Variants in MARCHF1 observed in about 807,000 individuals in gnomAD.
MARCHF1 encodes membrane associated ring-CH-type finger 1.
MARCHF1 carries 40 observed loss-of-function variants against 54.2 expected under a neutral mutation model. That is an observed-to-expected ratio of 0.74 (90% confidence interval 0.57 to 0.96). The LOEUF is 0.96. MARCHF1 is among the 40% of genes least tolerant of loss of function. MARCHF1 has a pLI of 0.00. For missense variants in MARCHF1, 586 were observed against 656.5 expected (o/e 0.89, Z 1.17); for synonymous variants, 236 against 236.3 (o/e 1.00, Z 0.01).
intron 5 of MARCHF1, among the ~76,000 whole-genome samples, chr4:163,700,557 G>C (rs947775292): frequency 6.7e-6 from 1 of 149,570 alleles, no homozygotes; most frequent in Non-Finnish European, 1.5e-5. Flanking sequence ...AGGAAGGAAG[G>C]AAGGAAGGAA....
rs1231988139 is a variant in MARCHF1 at position 164,102,141 on chromosome 4, C to A, written c.-248+9447G>T. 1.2e-3 allele frequency among the ~76,000 whole-genome samples: 128 copies of A among 106,976 alleles called. 1 individual carries two copies. Among genetic ancestry groups the A allele is most frequent in the East Asian group, 1.7e-3 (8 of 4,628 alleles). The allele number at this position is 106,976 out of a possible 152,430, so 70.2% of individuals were successfully genotyped here. A position where few individuals can be genotyped will look rare whatever the true frequency, so the allele number is the denominator to read the frequency against. Reference sequence around the variant, plus strand: ...AAAAGACCAAATCTACGTCTGATTGCTGTACCTGAAAGTGATGGGGAGAAT... The same window carrying A: ...AAAAGACCAAATCTACGTCTGATTGATGTACCTGAAAGTGATGGGGAGAAT... On this transcript the variant is annotated intron_variant, in intron 2 of 9. Coordinates refer to ENST00000514618, the MANE Select transcript of MARCHF1 (RefSeq NM_001394959.1).
intron 3 of MARCHF1, among the ~76,000 whole-genome samples, chr4:163,860,892 G>A (rs777267574): frequency 1.3e-5 from 2 of 152,126 alleles, no homozygotes; most frequent in African/African-American, 4.8e-5. Flanking sequence ...ACTGCCTGAT[G>A]TATCATGTTT....
intron 3 of MARCHF1, among the ~76,000 whole-genome samples, chr4:163,943,982 T>G (rs1365768629): frequency 6.6e-6 from 1 of 152,044 alleles, no homozygotes; most frequent in East Asian, 1.9e-4. Flanking sequence ...GTTTTGTTTT[T>G]TTTGAGACTG....
At chr4:163,974,102 T>C (rs1752603534) in intron 3 of MARCHF1, among the ~76,000 whole-genome samples, 1 of 152,220 alleles carries the variant, frequency 6.6e-6, no homozygotes, top group African/African-American at 2.4e-5. Context: ...TGAGAGTACC[T>C]ATGTGTGGTT....
chr4:163,970,173 G>A (rs904876322), intron 3 of MARCHF1, among the ~76,000 whole-genome samples: 3 of 152,116 alleles, frequency 2.0e-5, no homozygotes, highest in African/African-American at 7.2e-5. Flanking sequence ...GCACATGGTA[G>A]GTGTTTTAAA....
At chr4:164,054,085 AC>A (rs1485736499) in intron 2 of MARCHF1, among the ~76,000 whole-genome samples, 24 of 151,784 alleles carry the variant, frequency 1.6e-4, no homozygotes, top group Non-Finnish European at 2.6e-4. Flanking sequence ...CAAGAAAAAA[AC>A]AAACAACCCC....
intron 7 of MARCHF1, among the ~76,000 whole-genome samples, chr4:163,590,951 G>C (rs573827755): frequency 6.6e-6 from 1 of 151,852 alleles, no homozygotes; most frequent in African/African-American, 2.4e-5. Context: ...CTTAATCTCT[G>C]TGTTTCAAGT....
At chr4:164,139,584 T>C (rs1253422449) in intron 1 of MARCHF1, among the ~76,000 whole-genome samples, 2 of 151,796 alleles carry the variant, frequency 1.3e-5, no homozygotes, top group African/African-American at 4.8e-5. Flanking sequence ...AGTTATGTGG[T>C]AGACTGCCAG....
intron 4 of MARCHF1, among the ~76,000 whole-genome samples, chr4:163,795,374 C>T (rs989414518): frequency 2.0e-5 from 3 of 152,074 alleles, no homozygotes; most frequent in African/African-American, 7.2e-5. Flanking sequence ...GGATTACAGG[C>T]GCACACCACC....
chr4:163,920,464 T>G (rs1488468128), intron 3 of MARCHF1, among the ~76,000 whole-genome samples: 1 of 152,214 alleles, frequency 6.6e-6, no homozygotes, highest in Non-Finnish European at 1.5e-5. Context: ...ATGTTAGCCT[T>G]CTAAAGCCTG....
chr4:163,528,981 C>T lies in MARCHF1; in HGVS notation c.1405G>A (p.Val469Ile), dbSNP rs773692290. Reference sequence around the variant, plus strand: ...ACTTTACACTGTACGTACATGAAGACAAGACCTCCTGTGAAGCCAATGGCT... The same window carrying T: ...ACTTTACACTGTACGTACATGAAGATAAGACCTCCTGTGAAGCCAATGGCT... ...VVAIGFTGGL[V>I]FMYVQCKVYV... The change falls in exon 10 of 10, where the codon GTC becomes ATC. Residue 469 changes from valine (V) to isoleucine (I), a missense_variant. Transcript: ENST00000514618. 3 of 1,612,832 alleles carry T rather than the reference C, an allele frequency of 1.9e-6. No individual in the cohort carries two copies. The African/African-American group carries it at 4.0e-5, about 22-fold the overall frequency.
chr4:163,939,761 G>T (rs953084570), intron 3 of MARCHF1, among the ~76,000 whole-genome samples: 8 of 152,256 alleles, frequency 5.3e-5, no homozygotes, highest in Admixed American at 2.6e-4. Flanking sequence ...GGACATTTGT[G>T]GTTGGGGTTT....
At chr4:163,793,919 T>C (rs191951177) in intron 4 of MARCHF1, among the ~76,000 whole-genome samples, 1 of 152,220 alleles carries the variant, frequency 6.6e-6, no homozygotes, top group East Asian at 1.9e-4. Context: ...GAGACGTGAG[T>C]CTTGCCGAAG....
chr4:163,936,936 C>T (rs1579406141), intron 3 of MARCHF1, among the ~76,000 whole-genome samples: 2 of 152,170 alleles, frequency 1.3e-5, no homozygotes, highest in East Asian at 3.9e-4. Context: ...TGTATACGTA[C>T]TTGAACTTCC....
chr4:163,941,305 T>C (rs1751907249), intron 3 of MARCHF1, among the ~76,000 whole-genome samples: 1 of 152,014 alleles, frequency 6.6e-6, no homozygotes, highest in Non-Finnish European at 1.5e-5. Flanking sequence ...AGGAAGGTGT[T>C]AGGATTGAGC....
rs938528911 is a variant in MARCHF1, at chr4:164,252,275, G to A, written c.-323+131595C>T. The stretch of plus-strand genomic sequence containing the variant: ...CCTCCTGCATCAAATCTGTAGAATA[G>A]GTAGAACAGATATTTTTAAAAATGT... On this transcript the variant is annotated intron_variant, in intron 1 of 9. Transcript: ENST00000514618. Among the ~76,000 whole-genome samples the A allele has an allele frequency of 2.0e-5, 3 of 152,016 alleles. No individual in the cohort carries two copies. In the East Asian group the frequency reaches 5.8e-4, roughly 29 times the overall value.
intron 1 of MARCHF1, among the ~76,000 whole-genome samples, chr4:164,289,354 T>C (rs1197328752): frequency 6.6e-6 from 1 of 152,008 alleles, no homozygotes; most frequent in Non-Finnish European, 1.5e-5. Flanking sequence ...TATTCCGTGA[T>C]TTTATAGATG....
intron 3 of MARCHF1, among the ~76,000 whole-genome samples, chr4:163,910,989 G>GGT (rs1751176831): frequency 6.6e-6 from 1 of 152,070 alleles, no homozygotes. Flanking sequence ...GCCCATGAAA[G>GGT]GTAGTTGATT....
At chr4:164,111,144 C>T (rs533108156) in intron 2 of MARCHF1, among the ~76,000 whole-genome samples, 10 of 151,620 alleles carry the variant, frequency 6.6e-5, no homozygotes, top group Non-Finnish European at 1.2e-4. Context: ...ATGTATAATC[C>T]AAGTATTAGT....
Sources: gnomAD v4.1 joint callset for allele counts (sites outside exome capture counted in the v4.1 genomes callset) on GRCh38, gnomAD v4.1.1 for gene constraint, MANE v1.5 for transcripts, NCBI Gene and HGNC (gene_info 2026-07-23, HGNC 2026-07-21) for gene names.